ANKFN1: variants seen among roughly 807,000 people sequenced by gnomAD.
The protein encoded by ANKFN1 is ankyrin repeat and fibronectin type-III domain-containing protein 1.
Under a neutral mutation model 108.7 loss-of-function variants are expected in ANKFN1, and 74 were observed. That is an observed-to-expected ratio of 0.68 (90% CI 0.56 to 0.83). The LOEUF (loss-of-function observed/expected upper bound fraction) is 0.83. Among genes scored for constraint, ANKFN1 ranks in the 40% least tolerant of loss-of-function variants. The pLI, the probability that ANKFN1 is intolerant of heterozygous loss-of-function variation, is 0.00. For synonymous variants in ANKFN1, 547 were observed against 516.2 expected (o/e 1.06, Z -0.81); for missense variants, 1,505 against 1,382.3 (o/e 1.09, Z -1.41).
At chr17:56,273,724 T>A (rs2043848493) in intron 3 of ANKFN1, among the ~76,000 whole-genome samples, 1 of 152,182 alleles carries the variant, frequency 6.6e-6, no homozygotes, top group South Asian at 2.1e-4. Flanking sequence ...AAAATTAAAA[T>A]AGCTAATATT....
intron 8 of ANKFN1, among the ~76,000 whole-genome samples, chr17:56,416,110 A>G (rs1212823499): frequency 6.6e-6 from 1 of 152,228 alleles, no homozygotes; most frequent in Non-Finnish European, 1.5e-5. Flanking sequence ...TGAAATTAGT[A>G]CAAGATAACA....
Position 56,326,301 on chromosome 17 carries a change from G to A in ANKFN1, c.134G>A (p.Ser45Asn). 2 of 1,613,998 alleles carry A rather than the reference G, an allele frequency of 1.2e-6. No individual in the cohort carries two copies. Among genetic ancestry groups the A allele is most frequent in the Admixed American group, 1.7e-5 (1 of 60,004 alleles). Reference protein sequence around the residue: ...KQSQCDLLNESTGQLPTTCSS... With the variant: ...KQSQCDLLNENTGQLPTTCSS... ...AGCCAATGTGATTTATTGAATGAAAGCACTGGACAATTACCAACAACTTGT... is the reference window on the plus strand; with the variant it reads ...AGCCAATGTGATTTATTGAATGAAAACACTGGACAATTACCAACAACTTGT... The change falls in exon 4 of 21, where the codon AGC (serine) becomes AAC (asparagine). Residue 45 changes from serine to asparagine, a missense_variant. Ser to Asn is a conservative substitution (Grantham distance 46). Transcript: ENST00000682825.
chr17:56,370,935 CGT>C (rs2046794494), intron 6 of ANKFN1, among the ~76,000 whole-genome samples: 1 of 133,024 alleles, frequency 7.5e-6, no homozygotes, highest in Non-Finnish European at 1.6e-5. Context: ...TGTGCGCCCG[CGT>C]GTGTGTATGT....
chr17:56,168,425 A>C (rs1391130991), intron 1 of ANKFN1, among the ~76,000 whole-genome samples: 1 of 152,180 alleles, frequency 6.6e-6, no homozygotes, highest in Non-Finnish European at 1.5e-5. Context: ...CAAGTTGTAT[A>C]TGTATTTATT....
chr17:56,401,363 A>ATTGTG lies in ANKFN1; in HGVS notation c.910+26653_910+26654insGTTGT, dbSNP rs1235670711. Among the ~76,000 whole-genome samples, 230 of 95,326 alleles carry ATTGTG rather than the reference A, an allele frequency of 2.4e-3. 2 individuals are homozygous for ATTGTG. Among genetic ancestry groups the ATTGTG allele is most frequent in the South Asian group, 0.011 (29 of 2,550 alleles). 62.5% of individuals were successfully genotyped at this position (95,326 alleles called of 152,430 possible). A position where few individuals can be genotyped will look rare whatever the true frequency, so the allele number is the denominator to read the frequency against. ...ATTGTATTGTATTGTATTGTATTGT[A>ATTGTG]TTGTATTGTGTTGTGTTGTGTTGTG... On this transcript the variant is annotated intron_variant, in intron 8 of 20. Coordinates refer to ENST00000682825, the MANE Select transcript of ANKFN1 (RefSeq NM_001370326.1).
intron 4 of ANKFN1, among the ~76,000 whole-genome samples, chr17:56,062,328 G>T (rs1567779835): frequency 2.6e-5 from 4 of 152,116 alleles, no homozygotes; most frequent in Admixed American, 1.3e-4. Flanking sequence ...ATTGACAGTG[G>T]GGTGTTAAAG....
At chr17:56,117,394 C>A (rs1056193205) in intron 4 of ANKFN1, among the ~76,000 whole-genome samples, 1 of 152,152 alleles carries the variant, frequency 6.6e-6, no homozygotes, top group Non-Finnish European at 1.5e-5. Context: ...AGATTGTGAG[C>A]TCACGGTAGT....
At chr17:56,310,605 A>G (rs942334502) in intron 3 of ANKFN1, among the ~76,000 whole-genome samples, 8 of 150,444 alleles carry the variant, frequency 5.3e-5, no homozygotes, top group Non-Finnish European at 1.2e-4. Flanking sequence ...CAACAGAGTG[A>G]GACTCCATCT....
chr17:56,450,894 A>T (rs2145207007), intron 11 of ANKFN1, among the ~76,000 whole-genome samples: 1 of 152,314 alleles, frequency 6.6e-6, no homozygotes, highest in South Asian at 2.1e-4. Context: ...GATTGCCTAG[A>T]TGGTCCAATT....
At chr17:56,148,941 G>A (rs1452869395), upstream of ANKFN1, among the ~76,000 whole-genome samples, 1 of 152,148 alleles carries the variant, frequency 6.6e-6, no homozygotes, top group East Asian at 1.9e-4. Flanking sequence ...AACCATGAAA[G>A]GTACGTATTA....
chr17:56,048,769 C>T (rs1904723426), intron 4 of ANKFN1, among the ~76,000 whole-genome samples: 1 of 152,222 alleles, frequency 6.6e-6, no homozygotes, highest in South Asian at 2.1e-4. Context: ...GGGAAGCCAG[C>T]CTAGTTCCAA....
At chr17:56,420,033 A>G (rs1303801143) in intron 8 of ANKFN1, among the ~76,000 whole-genome samples, 1 of 152,084 alleles carries the variant, frequency 6.6e-6, no homozygotes, top group Admixed American at 6.6e-5. Context: ...CCAAATCCCC[A>G]GAGCAGCTCA....
intron 3 of ANKFN1, among the ~76,000 whole-genome samples, chr17:56,262,210 A>G (rs1323010049): frequency 3.9e-5 from 6 of 152,180 alleles, no homozygotes; most frequent in Admixed American, 3.9e-4. Context: ...CCTCTCCCCA[A>G]CACAGAGTTT....
chr17:56,393,673 G>A (rs936559949), intron 8 of ANKFN1, among the ~76,000 whole-genome samples: 1 of 152,338 alleles, frequency 6.6e-6, no homozygotes, highest in East Asian at 1.9e-4. Context: ...GCTAGGTAAT[G>A]TGGGCACAGT....
At chr17:56,094,661 G>A (rs1244974762) in intron 4 of ANKFN1, among the ~76,000 whole-genome samples, 11 of 44,070 alleles carry the variant, frequency 2.5e-4, no homozygotes, top group Non-Finnish European at 5.0e-4. Flanking sequence ...ACACCACCAC[G>A]CCCAGCTAAT....
intron 1 of ANKFN1, among the ~76,000 whole-genome samples, chr17:56,186,634 C>T (rs76971549): frequency 0.026 from 3,990 of 152,194 alleles, 160 homozygotes; most frequent in African/African-American, 0.091. Context: ...CCCCTGGCTC[C>T]CTAGCTATCA....
At chr17:56,115,882 C>T (rs1906237019) in intron 4 of ANKFN1, among the ~76,000 whole-genome samples, 1 of 152,152 alleles carries the variant, frequency 6.6e-6, no homozygotes, top group Admixed American at 6.5e-5. Flanking sequence ...GGGGAACGGC[C>T]AGGCAGGAAT....
At chr17:56,436,180 T>G (rs775791061) in intron 8 of ANKFN1, among the ~76,000 whole-genome samples, 2 of 152,220 alleles carry the variant, frequency 1.3e-5, no homozygotes, top group Non-Finnish European at 2.9e-5. Context: ...AATTAAAGTT[T>G]TGTTAAAATA....
At chr17:56,085,497 C>G (rs894343430) in intron 4 of ANKFN1, among the ~76,000 whole-genome samples, 1 of 151,048 alleles carries the variant, frequency 6.6e-6, no homozygotes, top group African/African-American at 2.4e-5. Flanking sequence ...GAGTATGGCC[C>G]TACCAATACC....
Sources: gnomAD v4.1 joint callset for allele counts (sites outside exome capture counted in the v4.1 genomes callset) on GRCh38, gnomAD v4.1.1 for gene constraint, MANE v1.5 for transcripts, NCBI Gene and HGNC (gene_info 2026-07-23, HGNC 2026-07-21) for gene names.